LHFPL3: variants seen among roughly 807,000 people sequenced by gnomAD.
LHFPL3 encodes LHFPL tetraspan subfamily member 3 protein.
In LHFPL3, 5 loss-of-function variants were observed where a neutral mutation model predicts 19.3. The ratio of observed to expected loss-of-function variants is 0.26; its 90% CI spans 0.14 to 0.54. LHFPL3 has a LOEUF of 0.54. Ranked by LOEUF, LHFPL3 falls within the 20% of genes least tolerant of loss-of-function variation. The pLI is 0.94. For missense variants in LHFPL3, 249 were observed against 307.4 expected (o/e 0.81, Z 1.42); for synonymous variants, 133 against 126.2 (o/e 1.05, Z -0.36).
chr7:104,589,111 C>T (rs1790648530), intron 1 of LHFPL3, among the ~76,000 whole-genome samples: 1 of 152,134 alleles, frequency 6.6e-6, no homozygotes, highest in Non-Finnish European at 1.5e-5. Context: ...ATTTCTTTCT[C>T]CTGCCTGATT....
At chr7:104,387,969 T>G (rs1379363985) in intron 1 of LHFPL3, among the ~76,000 whole-genome samples, 1 of 152,152 alleles carries the variant, frequency 6.6e-6, no homozygotes, top group Non-Finnish European at 1.5e-5. Context: ...TAGGCCCCAG[T>G]GTCTTTTATT....
intron 2 of LHFPL3, among the ~76,000 whole-genome samples, chr7:104,867,495 C>T (rs1303230901): frequency 6.6e-6 from 1 of 152,140 alleles, no homozygotes; most frequent in East Asian, 1.9e-4. Flanking sequence ...GGATAAATTC[C>T]TGGACACATA....
At position 104,713,306 on chromosome 7, in the gene LHFPL3, T is replaced by C. The variant is rs140524264; in HGVS notation, c.446-23369T>C. On this transcript the variant is annotated intron_variant, in intron 1 of 2. Transcript: ENST00000424859. ...TATTAAATGTTTCTAACTGTATTAG[T>C]GCATTCTCACATTGCTATAAAGAAC... is the stretch of plus-strand genomic sequence containing the variant. Among the ~76,000 whole-genome samples, 506 of 152,370 alleles carry C rather than the reference T, an allele frequency of 3.3e-3. 8 individuals are homozygous for C. The highest frequency in any genetic ancestry group is 0.011 in the African/African-American group (473 of 41,588).
At chr7:104,816,091 A>C (rs1251694593) in intron 2 of LHFPL3, among the ~76,000 whole-genome samples, 3 of 152,138 alleles carry the variant, frequency 2.0e-5, no homozygotes, top group South Asian at 2.1e-4. Flanking sequence ...CTTGACCTTC[A>C]TTATGAGTTC....
intron 1 of LHFPL3, among the ~76,000 whole-genome samples, chr7:104,594,172 A>C (rs1276678184): frequency 6.6e-6 from 1 of 152,168 alleles, no homozygotes; most frequent in Non-Finnish European, 1.5e-5. Context: ...AGTGGCTGGT[A>C]CTGGTTGTTC....
chr7:104,696,446 GT>G (rs1264716639), intron 1 of LHFPL3, among the ~76,000 whole-genome samples: 3 of 148 alleles, frequency 0.02, no homozygotes, highest in Non-Finnish European at 0.02. Context: ...GTGTTACTAG[GT>G]GTGTGTGTGT....
intron 2 of LHFPL3, among the ~76,000 whole-genome samples, chr7:104,860,085 GACCC>G (rs1791585844): frequency 6.6e-6 from 1 of 151,854 alleles, no homozygotes; most frequent in South Asian, 2.1e-4. Flanking sequence ...AATAAAGTAC[GACCC>G]ATAACCCCAC....
chr7:104,509,587 A>G (rs751832853), intron 1 of LHFPL3, among the ~76,000 whole-genome samples: 12 of 152,178 alleles, frequency 7.9e-5, no homozygotes, highest in Middle Eastern at 3.4e-3. Context: ...AAACTTTCTC[A>G]ACGTGATAAA....
At chr7:104,621,474 T>G (rs1418604587) in intron 1 of LHFPL3, among the ~76,000 whole-genome samples, 1 of 152,240 alleles carries the variant, frequency 6.6e-6, no homozygotes, top group African/African-American at 2.4e-5. Flanking sequence ...CAGCTGGTAC[T>G]GGAATGAATG....
chr7:104,348,111 G>C (rs1317329234), intron 1 of LHFPL3, among the ~76,000 whole-genome samples: 1 of 152,208 alleles, frequency 6.6e-6, no homozygotes, highest in Non-Finnish European at 1.5e-5. Context: ...ATTTGGCTGG[G>C]CGCAGTGGCT....
intron 2 of LHFPL3, among the ~76,000 whole-genome samples, chr7:104,804,395 C>A (rs1011707611): frequency 6.6e-6 from 1 of 152,204 alleles, no homozygotes; most frequent in African/African-American, 2.4e-5. Context: ...TCTGCCATCA[C>A]TTTCTTCCAC....
intron 2 of LHFPL3, among the ~76,000 whole-genome samples, chr7:104,746,491 G>A (rs1321203769): frequency 6.6e-6 from 1 of 151,972 alleles, no homozygotes; most frequent in Non-Finnish European, 1.5e-5. Flanking sequence ...GCAGAGAGAG[G>A]AAATGAAATC....
chr7:104,453,667 C>T (rs575171522), intron 1 of LHFPL3, among the ~76,000 whole-genome samples: 28 of 152,124 alleles, frequency 1.8e-4, no homozygotes, highest in Non-Finnish European at 2.4e-4. Flanking sequence ...TAATCCCCAG[C>T]GTTGGAGGTG....
chr7:104,427,286 A>G (rs1251381997), intron 1 of LHFPL3, among the ~76,000 whole-genome samples: 1 of 152,222 alleles, frequency 6.6e-6, no homozygotes, highest in Non-Finnish European at 1.5e-5. Flanking sequence ...GGCTTTGTGG[A>G]TTAGTAAAAT....
At chr7:104,868,715 G>GA (rs1299962094) in intron 2 of LHFPL3, among the ~76,000 whole-genome samples, 2 of 150,874 alleles carry the variant, frequency 1.3e-5, no homozygotes, top group African/African-American at 2.4e-5. Flanking sequence ...CACAGAATTG[G>GA]AAAAAACGAC....
intron 1 of LHFPL3, among the ~76,000 whole-genome samples, chr7:104,492,567 C>G (rs576099016): frequency 1.3e-5 from 2 of 152,320 alleles, no homozygotes; most frequent in South Asian, 4.1e-4. Context: ...TTGGAACCTT[C>G]CACATTTAGC....
At chr7:104,376,475 C>T (rs572779013) in intron 1 of LHFPL3, among the ~76,000 whole-genome samples, 3 of 152,262 alleles carry the variant, frequency 2.0e-5, no homozygotes, top group African/African-American at 7.2e-5. Context: ...TTCATGTCCC[C>T]AGTAGGGGTG....
At position 104,722,699 on chromosome 7, in the gene LHFPL3, A is replaced by G. The variant is rs113516024; in HGVS notation, c.446-13976A>G. Reference sequence around the variant, plus strand: ...TCTCTTTTACCAGGTGTTAAGAGTGACAATCCTTGTGTGAAAGTTCCCCCT... The same window carrying G: ...TCTCTTTTACCAGGTGTTAAGAGTGGCAATCCTTGTGTGAAAGTTCCCCCT... On this transcript the variant is annotated intron_variant, in intron 1 of 2. Coordinates refer to ENST00000424859, the MANE Select transcript of LHFPL3 (RefSeq NM_199000.3). Among the ~76,000 whole-genome samples the G allele has an allele frequency of 5.3e-3, 807 of 152,342 alleles. 10 individuals are homozygous for G. Among genetic ancestry groups the G allele is most frequent in the African/African-American group, 0.017 (725 of 41,582 alleles).
intron 1 of LHFPL3, among the ~76,000 whole-genome samples, chr7:104,441,895 C>A (rs1001960691): frequency 1.3e-5 from 2 of 152,100 alleles, no homozygotes; most frequent in Non-Finnish European, 2.9e-5. Flanking sequence ...TTTAATTCTT[C>A]TGGATATCTG....
Sources: gnomAD v4.1 joint callset for allele counts (sites outside exome capture counted in the v4.1 genomes callset) on GRCh38, gnomAD v4.1.1 for gene constraint, MANE v1.5 for transcripts, NCBI Gene and HGNC (gene_info 2026-07-23, HGNC 2026-07-21) for gene names.